HACD2: variants seen among roughly 807,000 people sequenced by gnomAD.
HACD2 encodes the protein very-long-chain (3R)-3-hydroxyacyl-CoA dehydratase 2.
Under a neutral mutation model 31.0 loss-of-function variants are expected in HACD2, and 15 were observed. The observed-to-expected ratio is 0.48, with a 90% CI of 0.32 to 0.75. The LOEUF (loss-of-function observed/expected upper bound fraction) is 0.75, where lower values mean the gene tolerates loss of function less well. HACD2 is among the 30% of genes least tolerant of loss of function. HACD2 has a pLI of 0.03. For synonymous variants in HACD2, 115 were observed against 122.2 expected (o/e 0.94, Z 0.39); for missense variants, 283 against 313.0 (o/e 0.90, Z 0.72).
intron 2 of HACD2, among the ~76,000 whole-genome samples, chr3:123,578,056 A>C (rs2056926585): frequency 6.6e-6 from 1 of 152,146 alleles, no homozygotes; most frequent in South Asian, 2.1e-4. Flanking sequence ...ACAGCCCCTA[A>C]CAATTCCTCT....
At position 123,538,736 on chromosome 3, in the gene HACD2, G is replaced by T. The variant is rs536730284; in HGVS notation, c.293-10262C>A. On this transcript the variant is annotated intron_variant, in intron 3 of 6. Coordinates refer to ENST00000383657, the MANE Select transcript of HACD2 (RefSeq NM_198402.5). ...GCAACTGCACCCAGCATTTTACGAT[G>T]TGAGTATGTGCACCAGAATGAATGG... Among the ~76,000 whole-genome samples, 3 of 152,344 alleles carry T rather than the reference G, an allele frequency of 2.0e-5. No individual in the cohort carries two copies. The East Asian group carries it at 5.8e-4, about 29-fold the overall frequency.
In HACD2 at chr3:123,518,007, ACGGTG is replaced by A. The variant is rs1444611131; in HGVS notation, c.381+10374_381+10378del. ...GGAGATCGAGACCATCCCGGCTAAA[ACGGTG>A]AAACCCCGTCTCTACTAAAAATACA... On this transcript the variant is annotated intron_variant, in intron 4 of 6. Coordinates refer to ENST00000383657, the MANE Select transcript of HACD2 (RefSeq NM_198402.5). Among the ~76,000 whole-genome samples, 5 of 3,790 alleles carry A rather than the reference ACGGTG, an allele frequency of 1.3e-3. 2 individuals are homozygous for A. The highest frequency in any genetic ancestry group is 1 in the East Asian group (2 of 2). 2.5% of individuals were successfully genotyped at this position (3,790 alleles called of 152,430 possible).
intron 2 of HACD2, among the ~76,000 whole-genome samples, chr3:123,573,320 T>G (rs1443280957): frequency 6.6e-6 from 1 of 152,218 alleles, no homozygotes; most frequent in Admixed American, 6.5e-5. Flanking sequence ...TATATAGTAC[T>G]TATTACTGGG....
intron 3 of HACD2, among the ~76,000 whole-genome samples, chr3:123,558,858 C>A (rs1311703404): frequency 2.0e-5 from 3 of 152,170 alleles, no homozygotes; most frequent in Non-Finnish European, 2.9e-5. Flanking sequence ...GCAGGACTAA[C>A]CTTGCTTTTG....
chr3:123,525,537 G>A (rs2056270060), intron 4 of HACD2, among the ~76,000 whole-genome samples: 2 of 152,124 alleles, frequency 1.3e-5, no homozygotes, highest in African/African-American at 2.4e-5. Flanking sequence ...TATACCTCAC[G>A]TGAAAAAAGT....
chr3:123,541,844 T>A (rs2056494096), intron 3 of HACD2, among the ~76,000 whole-genome samples: 1 of 152,176 alleles, frequency 6.6e-6, no homozygotes, highest in South Asian at 2.1e-4. Flanking sequence ...TGTAAAATGC[T>A]TGCAACCAAT....
intron 3 of HACD2, among the ~76,000 whole-genome samples, chr3:123,566,689 G>A (rs1299876974): frequency 6.6e-6 from 1 of 151,880 alleles, no homozygotes; most frequent in Non-Finnish European, 1.5e-5. Flanking sequence ...TTGAGGCCAG[G>A]AGTTTGAGAC....
chr3:123,545,803 C>T (rs1033527223), intron 3 of HACD2, among the ~76,000 whole-genome samples: 1 of 151,642 alleles, frequency 6.6e-6, no homozygotes, highest in African/African-American at 2.4e-5. Context: ...CCTCCACCTC[C>T]TGAGTTCAAG....
intron 4 of HACD2, among the ~76,000 whole-genome samples, chr3:123,509,886 T>C (rs1009083151): frequency 6.6e-6 from 1 of 151,858 alleles, no homozygotes; most frequent in Non-Finnish European, 1.5e-5. Context: ...TCAATGTCTA[T>C]CACCAATGGA....
intron 3 of HACD2, among the ~76,000 whole-genome samples, chr3:123,551,425 C>T (rs779337266): frequency 1.3e-5 from 2 of 151,966 alleles, no homozygotes; most frequent in Non-Finnish European, 2.9e-5. Flanking sequence ...TCGAAACCAG[C>T]CTGGCCAACA....
intron 3 of HACD2, among the ~76,000 whole-genome samples, chr3:123,528,937 G>C (rs944181104): frequency 1.3e-5 from 2 of 151,884 alleles, no homozygotes; most frequent in African/African-American, 4.8e-5. Context: ...GGTTAAGTTA[G>C]GTATCTTTTA....
intron 3 of HACD2, among the ~76,000 whole-genome samples, chr3:123,532,059 A>AT (rs1380304497): frequency 6.6e-6 from 1 of 152,226 alleles, no homozygotes; most frequent in Non-Finnish European, 1.5e-5. Flanking sequence ...TAAGAAGTTT[A>AT]TTACCAATTT....
intron 6 of HACD2, among the ~76,000 whole-genome samples, chr3:123,498,922 A>G (rs16834365): frequency 0.097 from 14,775 of 152,240 alleles, 999 homozygotes; most frequent in African/African-American, 0.2. Flanking sequence ...CTACCAGAGC[A>G]TAAAGAGACA....
At chr3:123,548,915 G>A (rs2056589343) in intron 3 of HACD2, among the ~76,000 whole-genome samples, 1 of 151,302 alleles carries the variant, frequency 6.6e-6, no homozygotes, top group Non-Finnish European at 1.5e-5. Context: ...ATGAGCTACT[G>A]TGCCCAGCCC....
chr3:123,548,137 G>A (rs552195920), intron 3 of HACD2, among the ~76,000 whole-genome samples: 1 of 152,190 alleles, frequency 6.6e-6, no homozygotes, highest in Non-Finnish European at 1.5e-5. Context: ...CCCTTCACAA[G>A]GCAGAGCCTA....
chr3:123,499,314 A>G (rs2055874469), intron 6 of HACD2: 1 of 172,936 alleles, frequency 5.8e-6, no homozygotes, highest in South Asian at 1.3e-4. Flanking sequence ...AATTTTTATT[A>G]CTTAGTAGTT....
intron 3 of HACD2, among the ~76,000 whole-genome samples, chr3:123,547,371 G>A (rs566793804): frequency 6.6e-6 from 1 of 152,292 alleles, no homozygotes; most frequent in South Asian, 2.1e-4. Context: ...ATTCTTCACA[G>A]TAGATAAAGT....
chr3:123,494,926 T>C lies in HACD2; in HGVS notation c.727A>G (p.Ile243Val). ...TTGTGTTCTTCAGTATGAGAAAGGA[T>C]CTTTCTTCTCTGGTGTATCATGTGG... ...YFHMIHQRRK[I>V]LSHTEEHKKF... The change falls in exon 7 of 7, where the codon ATC (isoleucine) becomes GTC (valine). Residue 243 changes from isoleucine (I) to valine (V), a missense_variant. By Grantham distance (29) the Ile-to-Val change is conservative. Around this residue, in one of 3 missense-constraint regions of HACD2, gnomAD observed 40 missense variants for 35.1 expected, o/e 1.14. Transcript: ENST00000383657. 1.3e-6 allele frequency: 2 copies of C among 1,561,120 alleles called. No homozygotes were observed. The highest frequency in any genetic ancestry group is 1.7e-6 in the Non-Finnish European group (2 of 1,151,302).
intron 4 of HACD2, 95 bp downstream of exon 4, chr3:123,528,291 A>G: frequency 1.3e-6 from 1 of 784,176 alleles, no homozygotes; most frequent in Non-Finnish European, 2.3e-6. Context: ...TGGAACTCTG[A>G]CCTGGAACTC....
Sources: allele counts gnomAD v4.1 joint callset (sites outside exome capture counted in the v4.1 genomes callset), GRCh38; gene constraint gnomAD v4.1.1; regional missense constraint gnomAD v4.1.1; transcripts MANE v1.5; gene names NCBI Gene and HGNC (gene_info 2026-07-23, HGNC 2026-07-21).